INPP1: variants seen among roughly 807,000 people sequenced by gnomAD.
INPP1 encodes the protein inositol polyphosphate-1-phosphatase.
Under a neutral mutation model 23.0 loss-of-function variants are expected in INPP1, and 18 were observed. The ratio of observed to expected loss-of-function variants is 0.78; its 90% confidence interval spans 0.54 to 1.16. The LOEUF (loss-of-function observed/expected upper bound fraction) is 1.16, where lower values mean the gene tolerates loss of function less well. INPP1 is among the 50% of genes most tolerant of loss of function. The pLI is 0.00. For missense variants in INPP1, 448 were observed against 482.1 expected (o/e 0.93, Z 0.66); for synonymous variants, 164 against 176.3 (o/e 0.93, Z 0.55).
At position 190,368,752 on chromosome 2, in the gene INPP1, T is replaced by C. The variant is rs1689735344; in HGVS notation, c.467-351T>C. 1 of 158,804 alleles carries C rather than the reference T, an allele frequency of 6.3e-6. No homozygotes were observed. The highest frequency in any genetic ancestry group is 3.1e-3 in the Middle Eastern group (1 of 324). The allele number at this position is 158,804 out of a possible 1,614,324, so 9.8% of individuals were successfully genotyped here. On this transcript the variant is annotated intron_variant, in intron 5 of 6. Transcript: ENST00000392329. This position sits in a 1 kb window ranked among gnomAD's most constrained non-coding sequence, Gnocchi z 4.3. ...AAGGAGGCTTTTCCATCTCACATTGTACTAGTCCTCTGATTAGTAGTATTT... is the reference window on the plus strand; with the variant it reads ...AAGGAGGCTTTTCCATCTCACATTGCACTAGTCCTCTGATTAGTAGTATTT...
At chr2:190,359,400 A>G (rs1689487626) in intron 2 of INPP1, among the ~76,000 whole-genome samples, 1 of 151,910 alleles carries the variant, frequency 6.6e-6, no homozygotes, top group Non-Finnish European at 1.5e-5. Flanking sequence ...TACTAAAAAT[A>G]CAAAAAATTA....
chr2:190,356,580 G>A lies in INPP1; in HGVS notation c.-64-3459G>A, dbSNP rs1689424276. 2 of 152,174 alleles carry A rather than the reference G, an allele frequency of 1.3e-5. No individual in the cohort carries two copies. The highest frequency in any genetic ancestry group is 1.3e-4 in the Admixed American group (2 of 15,280). 9.4% of individuals were successfully genotyped at this position (152,174 alleles called of 1,614,324 possible). On this transcript the variant is annotated intron_variant, in intron 2 of 6. Transcript: ENST00000392329. The surrounding 1 kb of genome is among the most constrained non-coding windows in gnomAD (Gnocchi z 6.4). ...AAATTGATGAGCTTTCTGCGTGAAA[G>A]AAGGGAGTGGTGGTGATTTCCGGAG...
chr2:190,364,368 T>A (rs1203083264), intron 4 of INPP1, among the ~76,000 whole-genome samples: 1 of 151,514 alleles, frequency 6.6e-6, no homozygotes, highest in Non-Finnish European at 1.5e-5. Flanking sequence ...TGAAACCCCG[T>A]CTCTACTTAA....
chr2:190,360,001 T>G (rs764690647), intron 2 of INPP1, 38 bp from the exon 3 acceptor site: 213 of 1,228,182 alleles, frequency 1.7e-4, no homozygotes, highest in Non-Finnish European at 2.3e-4. Context: ...CATCACTCTC[T>G]GAACTGCTTT....
At position 190,369,274 on chromosome 2, in the gene INPP1, T is replaced by G. The variant is rs749936358; in HGVS notation, c.638T>G (p.Leu213Arg). The G allele has an allele frequency of 6.4e-7, 1 of 1,569,624 alleles. No homozygotes were observed. Among genetic ancestry groups the G allele is most frequent in the Non-Finnish European group, 8.7e-7 (1 of 1,149,190 alleles). The change falls in exon 6 of 7, where the codon CTC becomes CGC. Residue 213 changes from leucine (L) to arginine (R), a missense_variant. By Grantham distance (102) the Leu-to-Arg change is moderately radical. Transcript: ENST00000392329. Reference protein sequence around the residue: ...QPFVSRDPNTLRWKGQCYWGL... With the variant: ...QPFVSRDPNTRRWKGQCYWGL... ...TTTGTGTCACGAGATCCAAACACCC[T>G]CAGGTAAAAGGCAAATATTTTTGGT...
rs1210887172 is a variant in INPP1 at position 190,352,689 on chromosome 2, G to A, written c.-65+3658G>A. ...CAGCCCTTGAGTATGGAGCAAAGGA[G>A]AGGTGGGACGAAGTCTATGTTTCCC... On this transcript the variant is annotated intron_variant, in intron 2 of 6. Transcript: ENST00000392329. The surrounding 1 kb of genome is among the most constrained non-coding windows in gnomAD (Gnocchi z 4.7). Among the ~76,000 whole-genome samples the A allele has an allele frequency of 1.3e-5, 2 of 152,176 alleles. No homozygotes were observed. The highest frequency in any genetic ancestry group is 2.4e-5 in the African/African-American group (1 of 41,440).
Position 190,371,563 on chromosome 2 carries a change from T to G in INPP1, c.*161T>G. On this transcript the variant is annotated 3_prime_UTR_variant, in exon 7 of 7. Transcript: ENST00000392329. This position sits in a 1 kb window ranked among gnomAD's most constrained non-coding sequence, Gnocchi z 5.3. ...GTATTCATAATAATGTTAATTTCAA[T>G]AAATGACATTCATGCAGCAATTATA... 1 of 491,288 alleles carries G rather than the reference T, an allele frequency of 2.0e-6. No individual in the cohort carries two copies. The allele number at this position is 491,288 out of a possible 1,614,324, so 30.4% of individuals were successfully genotyped here.
chr2:190,349,926 C>T (rs1347100745), intron 2 of INPP1, among the ~76,000 whole-genome samples: 1 of 152,202 alleles, frequency 6.6e-6, no homozygotes, highest in Non-Finnish European at 1.5e-5. Context: ...TTCACTGCAA[C>T]CTCTGCCTCC....
rs1254056182 is a variant in INPP1, at chr2:190,366,783, T to C, written c.354T>C (p.Ser118=). 5 of 1,613,080 alleles carry C rather than the reference T, an allele frequency of 3.1e-6. No individual in the cohort carries two copies. Among genetic ancestry groups the C allele is most frequent in the Non-Finnish European group, 4.2e-6 (5 of 1,179,124 alleles). The stretch of plus-strand genomic sequence containing the variant: ...TCCTCAATGGTAACAAGGTGGCATC[T>C]GAAGCATTAGCCAGGGTTGTTCATC... The part of the protein sequence containing the change: ...SKVLNGNKVA[S]EALARVVHQD... Residue 118 remains serine, a synonymous_variant, in exon 5 of 7, where the codon TCT becomes TCC. Coordinates refer to ENST00000392329, the MANE Select transcript of INPP1 (RefSeq NM_001128928.2).
At chr2:190,359,393 T>C (rs1689487487) in intron 2 of INPP1, among the ~76,000 whole-genome samples, 1 of 151,408 alleles carries the variant, frequency 6.6e-6, no homozygotes, top group African/African-American at 2.4e-5. Context: ...CTGTCTCTAC[T>C]AAAAATACAA....
intron 1 of INPP1, among the ~76,000 whole-genome samples, chr2:190,344,829 G>A (rs1689183877): frequency 1.3e-5 from 2 of 152,190 alleles, no homozygotes; most frequent in Non-Finnish European, 2.9e-5. Context: ...AAGAACAGTG[G>A]GTTAAAAGTA....
chr2:190,365,805 C>G (rs1689633618), intron 4 of INPP1, among the ~76,000 whole-genome samples: 1 of 151,924 alleles, frequency 6.6e-6, no homozygotes, highest in South Asian at 2.1e-4. Context: ...CTCTTGCTTG[C>G]TCTCTCGCTC....
At position 190,370,930 on chromosome 2, in the gene INPP1, G is replaced by A. The variant is rs755892124; in HGVS notation, c.728G>A (p.Ser243Asn). The change falls in exon 7 of 7, where the codon AGT becomes AAT. Residue 243 changes from serine (S) to asparagine (N), a missense_variant. Physicochemically the swap from Ser to Asn is conservative, Grantham distance 46 (BLOSUM62 1). Coordinates refer to ENST00000392329, the MANE Select transcript of INPP1 (RefSeq NM_001128928.2). ...LQLTISRRNGSETHTGNTGSE... is the reference protein window; with the variant it reads ...LQLTISRRNGNETHTGNTGSE... The stretch of plus-strand genomic sequence containing the variant: ...CTCACCATCTCTAGAAGAAACGGCA[G>A]TGAAACACACACTGGAAACACCGGC... The A allele has an allele frequency of 1.9e-6, 3 of 1,614,026 alleles. No homozygotes were observed. The Admixed American group carries it at 5.0e-5, about 27-fold the overall frequency.
chr2:190,371,097 C>T lies in INPP1; in HGVS notation c.895C>T (p.Gln299Ter). 1 of 1,614,168 alleles carries T rather than the reference C, an allele frequency of 6.2e-7. No individual in the cohort carries two copies. Among genetic ancestry groups the T allele is most frequent in the Non-Finnish European group, 8.5e-7 (1 of 1,180,020 alleles). Reference sequence around the variant, plus strand: ...TGGTTATAAGAGCCTATGTGTTGTCCAAGGCCTCGTTGACATTTACATCTT... The same window carrying T: ...TGGTTATAAGAGCCTATGTGTTGTCTAAGGCCTCGTTGACATTTACATCTT... ...GAGYKSLCVV[Q>*]GLVDIYIFSE... Residue 299 changes from glutamine (Q) to a stop codon, truncating the protein, a stop_gained, in exon 7 of 7, where the codon CAA becomes TAA. Coordinates refer to ENST00000392329, the MANE Select transcript of INPP1 (RefSeq NM_001128928.2). LOFTEE classifies it low-confidence loss of function (END_TRUNC). This position sits in a 1 kb window ranked among gnomAD's most constrained non-coding sequence, Gnocchi z 5.3.
intron 2 of INPP1, among the ~76,000 whole-genome samples, chr2:190,350,969 T>C (rs573267807): frequency 7.2e-5 from 11 of 152,360 alleles, no homozygotes; most frequent in African/African-American, 2.4e-4. Context: ...AGAATATATG[T>C]AGACTTTTAT....
At chr2:190,364,336 G>A (rs890973871) in intron 4 of INPP1, among the ~76,000 whole-genome samples, 1 of 151,930 alleles carries the variant, frequency 6.6e-6, no homozygotes, top group Non-Finnish European at 1.5e-5. Flanking sequence ...TCAGGAAATT[G>A]AGTCCATCCT....
rs1689741300 is a variant in INPP1 at position 190,368,917 on chromosome 2, A to G, written c.467-186A>G. The G allele has an allele frequency of 4.9e-6, 2 of 408,820 alleles. No individual in the cohort carries two copies. The highest frequency in any genetic ancestry group is 2.0e-5 in the African/African-American group (1 of 49,090). The allele number at this position is 408,820 out of a possible 1,614,324, so 25.3% of individuals were successfully genotyped here. A position where few individuals can be genotyped will look rare whatever the true frequency, so the allele number is the denominator to read the frequency against. ...ATCCTCTCCCTTCAAGAGTTCTCAC[A>G]GTCAGGAAAATGAAACACAAGCAAT... On this transcript the variant is annotated intron_variant, in intron 5 of 6. Transcript: ENST00000392329. The surrounding 1 kb of genome is among the most constrained non-coding windows in gnomAD (Gnocchi z 4.3).
At chr2:190,364,940 T>C (rs964947940) in intron 4 of INPP1, among the ~76,000 whole-genome samples, 1 of 152,064 alleles carries the variant, frequency 6.6e-6, no homozygotes, top group South Asian at 2.1e-4. Context: ...CCAGCTGATA[T>C]AGACACTGCT....
At chr2:190,349,486 C>G (rs527295036) in intron 2 of INPP1, among the ~76,000 whole-genome samples, 3 of 152,242 alleles carry the variant, frequency 2.0e-5, no homozygotes, top group African/African-American at 4.8e-5. Flanking sequence ...TAGCAGTGAT[C>G]AAAATTATAA....
Sources: allele counts gnomAD v4.1 joint callset (sites outside exome capture counted in the v4.1 genomes callset), GRCh38; gene constraint gnomAD v4.1.1; non-coding constraint Gnocchi (gnomAD v3.1); transcripts MANE v1.5; gene names NCBI Gene and HGNC (gene_info 2026-07-23, HGNC 2026-07-21).